JMJD1C: variants seen among roughly 807,000 people sequenced by gnomAD.
JMJD1C encodes the protein jumonji domain containing 1C, also known as jumonji domain-containing protein 1C.
JMJD1C carries 31 observed loss-of-function variants against 245.3 expected under a neutral mutation model. The ratio of observed to expected loss-of-function variants is 0.13; its 90% CI spans 0.09 to 0.17. The LOEUF (loss-of-function observed/expected upper bound fraction) is 0.17. Ranked by LOEUF, JMJD1C falls within the 10% of genes least tolerant of loss-of-function variation. JMJD1C has a pLI of 1.00. For missense variants in JMJD1C, 2,691 were observed against 3,000.2 expected, an observed-to-expected ratio of 0.90 and a Z score of 2.41; for synonymous variants, 1,057 against 1,017.4, an observed-to-expected ratio of 1.04 and a Z score of -0.74.
chr10:63,466,105 G>GGCGGCA (rs1953256721), upstream of JMJD1C: 1 of 189,744 alleles, frequency 5.3e-6, no homozygotes, highest in Non-Finnish European at 1.1e-5. Flanking sequence ...GCCCTGCGGA[G>GGCGGCA]GCGGCAGCGG....
intron 1 of JMJD1C, among the ~76,000 whole-genome samples, chr10:63,509,613 T>C (rs1011984346): frequency 6.6e-6 from 1 of 152,232 alleles, no homozygotes; most frequent in Non-Finnish European, 1.5e-5. Flanking sequence ...AGATTGTCTA[T>C]TTCTTCTTGT....
chr10:63,352,509 G>A (rs753327830), intron 2 of JMJD1C, among the ~76,000 whole-genome samples: 2 of 151,900 alleles, frequency 1.3e-5, no homozygotes, highest in African/African-American at 4.8e-5. Flanking sequence ...GTGATGACAT[G>A]CATCTATAAT....
In JMJD1C at chr10:63,193,490, A is replaced by G. The variant is rs756066745; in HGVS notation, c.5735-18T>C. On this transcript the variant is annotated intron_variant, in intron 14 of 25. Coordinates refer to ENST00000399262, the MANE Select transcript of JMJD1C (RefSeq NM_032776.3). ...TGTCAAAACTACAAAATAAAATGGTAGTTAATAAAAAGATTACCACTAGTT... is the reference window on the plus strand; with the variant it reads ...TGTCAAAACTACAAAATAAAATGGTGGTTAATAAAAAGATTACCACTAGTT... The G allele has an allele frequency of 1.9e-6, 3 of 1,554,198 alleles. No homozygotes were observed. The Admixed American group carries it at 6.2e-5, about 32-fold the overall frequency.
At chr10:63,203,955 T>C in intron 10 of JMJD1C, 2 of 982,930 alleles carry the variant, frequency 2.0e-6, no homozygotes, top group African/African-American at 3.5e-5. Flanking sequence ...CATTAATATT[T>C]AGAAGTTCCC....
intron 2 of JMJD1C, among the ~76,000 whole-genome samples, chr10:63,292,313 A>T (rs1427669190): frequency 6.6e-6 from 1 of 151,658 alleles, no homozygotes; most frequent in Non-Finnish European, 1.5e-5. Context: ...GCTTGTTTTA[A>T]AGAATTTTAC....
rs546113627 is a variant in JMJD1C at position 63,167,515 on chromosome 10, T to C, written c.*530A>G. On this transcript the variant is annotated 3_prime_UTR_variant, in exon 26 of 26. Transcript: ENST00000399262. ...AATATTGAAGTGTCTGTATTTAGTA[T>C]CTACTTTATATACTTTATACTTTAC... 1 of 152,716 alleles carries C rather than the reference T, an allele frequency of 6.5e-6. No individual in the cohort carries two copies. Among genetic ancestry groups the C allele is most frequent in the African/African-American group, 2.4e-5 (1 of 41,572 alleles). The allele number at this position is 152,716 out of a possible 1,614,324, so 9.5% of individuals were successfully genotyped here. A position where few individuals can be genotyped will look rare whatever the true frequency, so the allele number is the denominator to read the frequency against.
intron 3 of JMJD1C, among the ~76,000 whole-genome samples, chr10:63,236,789 T>C (rs1254990202): frequency 1.3e-5 from 2 of 151,446 alleles, no homozygotes; most frequent in Admixed American, 6.6e-5. Flanking sequence ...TATACTTGTA[T>C]AAAGTATTCT....
intron 3 of JMJD1C, among the ~76,000 whole-genome samples, 162 bp downstream of exon 3, chr10:63,264,489 C>T (rs997945029): frequency 6.6e-6 from 1 of 152,072 alleles, no homozygotes; most frequent in Admixed American, 6.6e-5. Flanking sequence ...ATTAATAAAT[C>T]GTTTATCCTA....
intron 2 of JMJD1C, among the ~76,000 whole-genome samples, chr10:63,269,436 C>A (rs762511013): frequency 2.6e-5 from 4 of 152,152 alleles, no homozygotes; most frequent in Non-Finnish European, 5.9e-5. Flanking sequence ...TTTACTGTCT[C>A]CTTCATAAAG....
intron 1 of JMJD1C, among the ~76,000 whole-genome samples, chr10:63,509,479 C>CT (rs1279779639): frequency 1.3e-5 from 2 of 152,164 alleles, no homozygotes; most frequent in Non-Finnish European, 2.9e-5. Flanking sequence ...TTGTGAATAA[C>CT]TGGCTTAAGT....
chr10:63,379,839 T>A (rs531561211), intron 2 of JMJD1C, among the ~76,000 whole-genome samples: 1 of 152,192 alleles, frequency 6.6e-6, no homozygotes, highest in Non-Finnish European at 1.5e-5. Context: ...TGTTTTAAAA[T>A]CTCTGCCAGA....
At chr10:63,259,855 C>CTGTA (rs1383497948) in intron 3 of JMJD1C, among the ~76,000 whole-genome samples, 15 of 152,294 alleles carry the variant, frequency 9.8e-5, no homozygotes, top group African/African-American at 3.1e-4. Flanking sequence ...AATGATAGAA[C>CTGTA]TGTAGTATTA....
At chr10:63,222,222 G>A in intron 3 of JMJD1C, 1 of 769,948 alleles carries the variant, frequency 1.3e-6, no homozygotes, top group East Asian at 2.4e-5. Context: ...GGAATTTATA[G>A]GGGGGTTCAA....
chr10:63,362,704 C>G (rs530790746), intron 2 of JMJD1C, among the ~76,000 whole-genome samples: 4 of 152,154 alleles, frequency 2.6e-5, no homozygotes, highest in African/African-American at 9.6e-5. Flanking sequence ...TAGTCTCGAA[C>G]TCCTGGGCTC....
In JMJD1C at chr10:63,213,503, A is replaced by G; in HGVS notation, c.2664T>C (p.Asn888=). The stretch of plus-strand genomic sequence containing the variant: ...TTAATGAAGCTTCAGCATTAACTGC[A>G]TTTTCTGGGTGAACCCACTTAGAAG... ...LPSSKWVHPE[N]AVNAEASLRR... The change falls in exon 8 of 26, where the codon AAT becomes AAC. Residue 888 remains asparagine, a synonymous_variant. Transcript: ENST00000399262. 2.5e-6 allele frequency: 4 copies of G among 1,603,398 alleles called. No homozygotes were observed. Among genetic ancestry groups the G allele is most frequent in the Non-Finnish European group, 3.4e-6 (4 of 1,171,128 alleles).
At chr10:63,515,755 T>C (rs1954998293) in intron 1 of JMJD1C, among the ~76,000 whole-genome samples, 1 of 152,252 alleles carries the variant, frequency 6.6e-6, no homozygotes, top group African/African-American at 2.4e-5. Context: ...ACTGAGCTCC[T>C]TACATGCTAC....
At chr10:63,315,859 A>C (rs2134077466) in intron 2 of JMJD1C, among the ~76,000 whole-genome samples, 2 of 144,894 alleles carry the variant, frequency 1.4e-5, no homozygotes, top group Non-Finnish European at 3.0e-5. Context: ...AAAAAACACC[A>C]CGAAAAAAAA....
At chr10:63,409,078 A>T (rs969856028) in intron 1 of JMJD1C, among the ~76,000 whole-genome samples, 16 of 152,238 alleles carry the variant, frequency 1.1e-4, no homozygotes, top group Non-Finnish European at 1.6e-4. Flanking sequence ...TTGTGTTGAC[A>T]TTTTAGAAAT....
intron 2 of JMJD1C, among the ~76,000 whole-genome samples, chr10:63,338,640 A>ATTTTTTTTTTTT (rs34238197): frequency 3.2e-5 from 3 of 95,126 alleles, no homozygotes; most frequent in African/African-American, 1.3e-4. Flanking sequence ...TGCTCCTTAG[A>ATTTTTTTTTTTT]TTTTTTTTTT....
Sources: allele counts gnomAD v4.1 joint callset (sites outside exome capture counted in the v4.1 genomes callset), GRCh38; gene constraint gnomAD v4.1.1; transcripts MANE v1.5; gene names NCBI Gene and HGNC (gene_info 2026-07-23, HGNC 2026-07-21).